Variants in NBPF15 observed in about 807,000 individuals in gnomAD.
The protein encoded by NBPF15 is NBPF member 15, also known as NBPF family member NBPF15.
In NBPF15, 74 loss-of-function variants were observed where a neutral mutation model predicts 62.2. The observed-to-expected ratio is 1.19, with a 90% CI of 0.99 to 1.44. The LOEUF is 1.44. Among genes scored for constraint, NBPF15 ranks in the 40% most tolerant of loss-of-function variants. The pLI is 0.00. For synonymous variants in NBPF15, 244 were observed against 209.7 expected (o/e 1.16, Z -1.41); for missense variants, 790 against 550.0 (o/e 1.44, Z -4.36).
rs1239795067 is a variant in NBPF15 at position 144,440,094 on chromosome 1, G to T, written c.-36+47C>A. 12 of 1,576,734 alleles carry T rather than the reference G, an allele frequency of 7.6e-6. No individual in the cohort carries two copies. In the African/African-American group the frequency reaches 1.6e-4, roughly 21 times the overall value. ...GTTAAAAACTGGTGAAATCAAATAG[G>T]TTTAATCAGGACTGAGGGATGTAAG... On this transcript the variant is annotated intron_variant, in intron 7 of 21. Coordinates refer to ENST00000581897, the MANE Select transcript of NBPF15 (RefSeq NM_001385408.1).
chr1:144,438,028 A>ATCTT lies in NBPF15; in HGVS notation c.191_194dup (p.Asp65GlufsTer11), dbSNP rs1679911807. On this transcript the variant is annotated frameshift_variant, in exon 9 of 22. Transcript: ENST00000581897. LOFTEE classifies it high-confidence loss of function. ...CATTCCTCAGCATAAATTTTATGAG[A>ATCTT]TCTTTGCACTCTTCATATTCTGAGA... 6.2e-7 allele frequency: 1 copy of ATCTT among 1,605,490 alleles called. No individual in the cohort carries two copies. The highest frequency in any genetic ancestry group is 8.5e-7 in the Non-Finnish European group (1 of 1,177,382).
At chr1:144,442,049 T>C (rs2102296979) in intron 6 of NBPF15, among the ~76,000 whole-genome samples, 2 of 143,048 alleles carry the variant, frequency 1.4e-5, no homozygotes, top group East Asian at 4.1e-4. Flanking sequence ...TTAGGATATA[T>C]ACCTAATGTA....
chr1:144,440,890 C>G (rs1349661024), intron 6 of NBPF15, among the ~76,000 whole-genome samples: 1 of 151,328 alleles, frequency 6.6e-6, no homozygotes, highest in Non-Finnish European at 1.5e-5. Context: ...AGGATGGTCT[C>G]GATCTCCTGA....
chr1:144,438,323 C>G (rs9438306), intron 8 of NBPF15, among the ~76,000 whole-genome samples: 88 of 151,298 alleles, frequency 5.8e-4, no homozygotes, highest in African/African-American at 2.1e-3. Context: ...TTCACAGTCC[C>G]TGAGGTCTGA....
At chr1:144,436,120 C>T (rs587712288) in intron 10 of NBPF15, among the ~76,000 whole-genome samples, 78 of 152,182 alleles carry the variant, frequency 5.1e-4, no homozygotes, top group African/African-American at 1.8e-3. Flanking sequence ...TGTGCAGCCT[C>T]TCTCTGGACA....
chr1:144,424,415 C>A (rs1668086953), intron 20 of NBPF15, among the ~76,000 whole-genome samples: 1 of 151,942 alleles, frequency 6.6e-6, no homozygotes, highest in Non-Finnish European at 1.5e-5. Context: ...TCATAGTTCT[C>A]TGAATTTGTC....
At chr1:144,426,834 G>C (rs1670092537) in intron 17 of NBPF15, among the ~76,000 whole-genome samples, 1 of 149,690 alleles carries the variant, frequency 6.7e-6, no homozygotes, top group Non-Finnish European at 1.5e-5. Flanking sequence ...TACAGCCTTT[G>C]AGGTATGGTC....
chr1:144,426,751 A>G (rs1237609006), intron 17 of NBPF15, among the ~76,000 whole-genome samples: 14,306 of 151,516 alleles, frequency 0.094, 1,845 homozygotes, highest in African/African-American at 0.29. Context: ...GGGACACACA[A>G]CGAACAGTGG....
chr1:144,433,112 C>T (rs1298582706), intron 13 of NBPF15, among the ~76,000 whole-genome samples: 1 of 151,990 alleles, frequency 6.6e-6, no homozygotes, highest in South Asian at 2.1e-4. Flanking sequence ...TGTCAGACCA[C>T]AGTGCCATCA....
intron 11 of NBPF15, among the ~76,000 whole-genome samples, chr1:144,435,567 C>T (rs1324992730): frequency 6.6e-6 from 1 of 151,932 alleles, no homozygotes; most frequent in Non-Finnish European, 1.5e-5. Flanking sequence ...AGGATGAAGA[C>T]TCAGCTATCC....
Position 144,427,057 on chromosome 1 carries a change from A to G in NBPF15, c.1255T>C (p.Ser419Pro), listed in dbSNP as rs1474351405. 35 of 737,634 alleles carry G rather than the reference A, an allele frequency of 4.7e-5. No individual in the cohort carries two copies. The African/African-American group carries it at 6.1e-4, about 13-fold the overall frequency. The allele number at this position is 737,634 out of a possible 1,614,324, so 45.7% of individuals were successfully genotyped here. ...ATTGCTCAAAGTTACCTGGGGCATG[A>G]TGGGTCTTGGTCTTCTTCCACTTCT... ...YQEVEEDQDP[S>P]CPRLSRELLD... Residue 419 changes from serine (S) to proline (P), a missense_variant, in exon 17 of 22, where the codon TCA (serine) becomes CCA (proline). Coordinates refer to ENST00000581897, the MANE Select transcript of NBPF15 (RefSeq NM_001385408.1).
chr1:144,432,505 C>A (rs1402720149), intron 13 of NBPF15, among the ~76,000 whole-genome samples: 1 of 151,924 alleles, frequency 6.6e-6, no homozygotes, highest in South Asian at 2.1e-4. Flanking sequence ...TTAAAAAACA[C>A]AGAATGGCAA....
chr1:144,429,432 C>A (rs1372216099), intron 14 of NBPF15, among the ~76,000 whole-genome samples: 2 of 151,312 alleles, frequency 1.3e-5, no homozygotes, highest in African/African-American at 4.9e-5. Context: ...TGTGAGTTTG[C>A]CACACCTGCC....
intron 1 of NBPF15, 62 bp from the exon 2 acceptor site, chr1:144,461,023 G>GGGGC (rs1257984294): frequency 6.6e-6 from 1 of 150,830 alleles, no homozygotes; most frequent in East Asian, 2.0e-4. Flanking sequence ...TTGCAAGTCA[G>GGGGC]GGGCGCGAGT....
intron 8 of NBPF15, among the ~76,000 whole-genome samples, chr1:144,439,311 A>T: frequency 6.6e-6 from 1 of 151,858 alleles, no homozygotes; most frequent in Non-Finnish European, 1.5e-5. Context: ...GCTGTCACTT[A>T]TAGACAGCAC....
intron 13 of NBPF15, among the ~76,000 whole-genome samples, chr1:144,431,322 G>A (rs1311537672): frequency 6.7e-6 from 1 of 150,266 alleles, no homozygotes; most frequent in Non-Finnish European, 1.5e-5. Context: ...GGCAGCCAGA[G>A]AGAAAGGTCG....
intron 2 of NBPF15, among the ~76,000 whole-genome samples, chr1:144,460,123 A>G (rs1165681181): frequency 1.1e-4 from 11 of 102,152 alleles, no homozygotes; most frequent in African/African-American, 4.3e-4. Context: ...GCTCACTGCA[A>G]TCTCAACCTC....
At chr1:144,424,606 C>G (rs1343493966) in intron 20 of NBPF15, 84 bp downstream of exon 20, 1 of 658,202 alleles carries the variant, frequency 1.5e-6, no homozygotes, top group Non-Finnish European at 2.7e-6. Context: ...TCTCTCAGCT[C>G]AGTAATGGCC....
intron 21 of NBPF15, among the ~76,000 whole-genome samples, chr1:144,423,588 G>T (rs1348479384): frequency 1.3e-5 from 2 of 151,958 alleles, no homozygotes; most frequent in Non-Finnish European, 2.9e-5. Flanking sequence ...ATCACAAAAA[G>T]AGTGAGCTCA....
Sources: allele counts gnomAD v4.1 joint callset (sites outside exome capture counted in the v4.1 genomes callset), GRCh38; gene constraint gnomAD v4.1.1; transcripts MANE v1.5; gene names NCBI Gene and HGNC (gene_info 2026-07-23, HGNC 2026-07-21).